TRPC4: variants seen among roughly 807,000 people sequenced by gnomAD.
The protein encoded by TRPC4 is transient receptor potential cation channel subfamily C member 4, also known as short transient receptor potential channel 4.
TRPC4 carries 49 observed loss-of-function variants against 99.4 expected under a neutral mutation model. The observed-to-expected ratio is 0.49, with a 90% CI of 0.39 to 0.63. TRPC4 has a LOEUF of 0.63. Ranked by LOEUF, TRPC4 falls within the 20% of genes least tolerant of loss-of-function variation. The probability of loss-of-function intolerance (pLI) is 0.00; values close to 1 mark genes in which losing one functional copy is unlikely to be tolerated. For synonymous variants in TRPC4, 454 were observed against 425.9 expected (o/e 1.07, Z -0.81); for missense variants, 898 against 1,152.9 (o/e 0.78, Z 3.20).
chr13:37,655,726 C>T (rs899392315), intron 6 of TRPC4, among the ~76,000 whole-genome samples: 37 of 152,046 alleles, frequency 2.4e-4, no homozygotes, highest in Non-Finnish European at 4.7e-4. Context: ...TATGCATTTT[C>T]TATAGCTTCT....
chr13:37,836,525 C>A (rs1447142971), intron 1 of TRPC4, among the ~76,000 whole-genome samples: 1 of 152,016 alleles, frequency 6.6e-6, no homozygotes, highest in Non-Finnish European at 1.5e-5. Context: ...GTAAAGGTGA[C>A]CGTTGTTATG....
intron 1 of TRPC4, among the ~76,000 whole-genome samples, chr13:37,857,349 G>T (rs1566228947): frequency 6.6e-6 from 1 of 151,510 alleles, no homozygotes; most frequent in African/African-American, 2.4e-5. Context: ...ACTACCCAAA[G>T]AAATCTAAAA....
chr13:37,656,833 G>C (rs1212403620), intron 6 of TRPC4, among the ~76,000 whole-genome samples: 5 of 152,178 alleles, frequency 3.3e-5, no homozygotes, highest in Non-Finnish European at 5.9e-5. Flanking sequence ...TCATTTTAAT[G>C]CTGACACACA....
intron 3 of TRPC4, among the ~76,000 whole-genome samples, chr13:37,715,511 T>C (rs1048969614): frequency 2.6e-5 from 4 of 152,214 alleles, no homozygotes; most frequent in African/African-American, 9.6e-5. Flanking sequence ...TGTGAAGAGC[T>C]TATTACAGTA....
chr13:37,700,810 G>C (rs1954080651), intron 3 of TRPC4, among the ~76,000 whole-genome samples: 1 of 152,096 alleles, frequency 6.6e-6, no homozygotes, highest in Non-Finnish European at 1.5e-5. Context: ...CCTATAAGCA[G>C]AATTTTTAAA....
chr13:37,720,042 A>T (rs1429765526), intron 3 of TRPC4, among the ~76,000 whole-genome samples: 1 of 152,040 alleles, frequency 6.6e-6, no homozygotes, highest in Non-Finnish European at 1.5e-5. Flanking sequence ...GCTGAGAAGG[A>T]CTCAACCTGC....
intron 1 of TRPC4, among the ~76,000 whole-genome samples, chr13:37,816,253 C>T (rs1041272417): frequency 8.6e-5 from 13 of 151,824 alleles, no homozygotes; most frequent in African/African-American, 2.9e-4. Context: ...CACAGGAGCA[C>T]CCAGACTCAT....
At position 37,767,168 on chromosome 13, in the gene TRPC4, C is replaced by A. The variant is rs927111853; in HGVS notation, c.378+15788G>T. ...TTAATAATTTCCTTCTCATTCATTG[C>A]CTTTTGTTTTTGTGGTATGTCCAAG... On this transcript the variant is annotated intron_variant, in intron 2 of 10. Coordinates refer to ENST00000379705, the MANE Select transcript of TRPC4 (RefSeq NM_016179.4). Among the ~76,000 whole-genome samples the A allele has an allele frequency of 3.4e-4, 52 of 151,176 alleles. No individual in the cohort carries two copies. The East Asian group carries it at 7.3e-3, about 21-fold the overall frequency.
intron 2 of TRPC4, 102 bp from the exon 3 acceptor site, chr13:37,746,557 C>T: frequency 1.6e-6 from 2 of 1,274,236 alleles, no homozygotes; most frequent in Non-Finnish European, 1.0e-6. Flanking sequence ...GTTTATATGT[C>T]CTTGGCCGGG....
chr13:37,769,365 A>G (rs985317941), intron 2 of TRPC4, among the ~76,000 whole-genome samples: 4 of 151,346 alleles, frequency 2.6e-5, no homozygotes, highest in Non-Finnish European at 5.9e-5. Flanking sequence ...ACTTACATTG[A>G]CAATACTGAA....
At chr13:37,802,156 A>G (rs1957422971) in intron 1 of TRPC4, among the ~76,000 whole-genome samples, 1 of 152,102 alleles carries the variant, frequency 6.6e-6, no homozygotes, top group African/African-American at 2.4e-5. Context: ...TGTTGCAAAA[A>G]CCATACAGAG....
At position 37,792,723 on chromosome 13, in the gene TRPC4, T is replaced by TTGTGTGTGTG. The variant is rs57918365; in HGVS notation, c.-27-9373_-27-9364dup. Among the ~76,000 whole-genome samples the TTGTGTGTGTG allele has an allele frequency of 1.6e-3, 241 of 146,638 alleles. 2 individuals carry two copies. The highest frequency in any genetic ancestry group is 6.5e-3 in the East Asian group (32 of 4,940). On this transcript the variant is annotated intron_variant, in intron 1 of 10. Transcript: ENST00000379705. ...CGTAACTGACCTCTGGCTTCTAAAT[T>TTGTGTGTGTG]TGTGTGTGTGTGTGTGTGTGTGTGT...
At chr13:37,666,234 G>A (rs1434629524) in intron 5 of TRPC4, among the ~76,000 whole-genome samples, 1 of 152,166 alleles carries the variant, frequency 6.6e-6, no homozygotes, top group Non-Finnish European at 1.5e-5. Flanking sequence ...ACAGGCAGCT[G>A]GCTCAGCTGC....
intron 8 of TRPC4, among the ~76,000 whole-genome samples, chr13:37,650,266 TATG>T (rs546155464): frequency 4.3e-4 from 66 of 152,332 alleles, no homozygotes; most frequent in South Asian, 3.5e-3. Flanking sequence ...CTAATCCTAA[TATG>T]ATAACATTTA....
chr13:37,821,059 C>G (rs1272348736), intron 1 of TRPC4, among the ~76,000 whole-genome samples: 2 of 152,024 alleles, frequency 1.3e-5, no homozygotes, highest in East Asian at 3.9e-4. Context: ...CACAAAAGCT[C>G]CTTGATCTGA....
intron 1 of TRPC4, among the ~76,000 whole-genome samples, chr13:37,787,344 G>T (rs1158490006): frequency 6.6e-6 from 1 of 151,974 alleles, no homozygotes; most frequent in African/African-American, 2.4e-5. Flanking sequence ...TTTGTACTTT[G>T]TCTGGAATCT....
chr13:37,821,231 C>CACACACAA (rs1958002339), intron 1 of TRPC4, among the ~76,000 whole-genome samples: 1 of 139,656 alleles, frequency 7.2e-6, no homozygotes, highest in Non-Finnish European at 1.6e-5. Flanking sequence ...CACACACACA[C>CACACACAA]AAATACCTAG....
intron 2 of TRPC4, among the ~76,000 whole-genome samples, chr13:37,774,769 A>G (rs1318106382): frequency 6.6e-6 from 1 of 151,714 alleles, no homozygotes; most frequent in Non-Finnish European, 1.5e-5. Flanking sequence ...TAACAAAATG[A>G]TACTCATTTT....
intron 1 of TRPC4, among the ~76,000 whole-genome samples, chr13:37,837,198 C>A (rs563683905): frequency 1.3e-5 from 2 of 152,246 alleles, no homozygotes; most frequent in Non-Finnish European, 2.9e-5. Context: ...TCATAGAGAA[C>A]CTCTGCTAGG....
Sources: gnomAD v4.1 joint callset for allele counts (sites outside exome capture counted in the v4.1 genomes callset) on GRCh38, gnomAD v4.1.1 for gene constraint, MANE v1.5 for transcripts, NCBI Gene and HGNC (gene_info 2026-07-23, HGNC 2026-07-21) for gene names.